The following EIF4E2 variants were observed in gnomAD, a reference collection of about 807,000 sequenced individuals.
EIF4E2 encodes eukaryotic translation initiation factor 4E type 2.
A neutral mutation model predicts 34.2 loss-of-function variants in EIF4E2; 13 were observed. That is an observed-to-expected ratio of 0.38 (90% CI 0.25 to 0.60). The LOEUF is 0.60. Among genes scored for constraint, EIF4E2 ranks in the 20% least tolerant of loss-of-function variants. The pLI is 0.62. For synonymous variants in EIF4E2, 100 were observed against 106.6 expected, an observed-to-expected ratio of 0.94 and a Z score of 0.38; for missense variants, 222 against 315.1, an observed-to-expected ratio of 0.70 and a Z score of 2.24.
intron 3 of EIF4E2, chr2:232,558,740 A>G (rs1047534445): frequency 6.6e-6 from 1 of 152,088 alleles, no homozygotes; most frequent in Non-Finnish European, 1.5e-5. Context: ...AAAAATTTTG[A>G]AAGTTTTGTA....
In EIF4E2 at chr2:232,563,788, C is replaced by T. The variant is rs4973543; in HGVS notation, c.271-459C>T. 2.0e-3 allele frequency among the ~76,000 whole-genome samples: 302 copies of T among 152,252 alleles called. 1 individual carries two copies. The highest frequency in any genetic ancestry group is 4.5e-3 in the Admixed American group (69 of 15,286). On this transcript the variant is annotated intron_variant, in intron 3 of 6. Transcript: ENST00000258416. ...TTCATTCAGCAAATGCTATATTTGC[C>T]AGTTAAACAATCTTTCATCGGTAAG...
chr2:232,558,862 G>T (rs199520304), intron 3 of EIF4E2: 1 of 74,342 alleles, frequency 1.3e-5, no homozygotes. Flanking sequence ...TGTGGGTACT[G>T]GCAGTCAGAG....
In EIF4E2 at chr2:232,568,567, C is replaced by T. The variant is rs1406052656; in HGVS notation, c.666-378C>T. 1.9e-5 allele frequency: 19 copies of T among 985,324 alleles called. No individual in the cohort carries two copies. In the Admixed American group the frequency reaches 1.1e-3, roughly 57 times the overall value. 61.0% of individuals were successfully genotyped at this position (985,324 alleles called of 1,614,324 possible). On this transcript the variant is annotated intron_variant, in intron 6 of 6. Coordinates refer to ENST00000258416, the MANE Select transcript of EIF4E2 (RefSeq NM_004846.4). Reference sequence around the variant, plus strand: ...TCTAGGATTCTCGTTTTCAAGGTTTCTGAATATCCCCTACTCCCACTTACC... The same window carrying T: ...TCTAGGATTCTCGTTTTCAAGGTTTTTGAATATCCCCTACTCCCACTTACC...
chr2:232,553,615 C>T (rs1318106285), intron 1 of EIF4E2, among the ~76,000 whole-genome samples: 3 of 152,184 alleles, frequency 2.0e-5, no homozygotes, highest in African/African-American at 7.2e-5. Context: ...ACTGATTTTT[C>T]AGTCTGAGTT....
chr2:232,550,790 C>A (rs758448361), intron 1 of EIF4E2, 46 bp downstream of exon 1: 7 of 1,512,944 alleles, frequency 4.6e-6, no homozygotes, highest in East Asian at 2.6e-5. Flanking sequence ...CCGAACAGTT[C>A]CCCCGCGCCC....
rs921171982 is a variant in EIF4E2, at chr2:232,564,362, A to T, written c.375+11A>T. The T allele has an allele frequency of 5.8e-6, 9 of 1,544,556 alleles. No homozygotes were observed. The highest frequency in any genetic ancestry group is 2.7e-5 in the African/African-American group (2 of 73,598). On this transcript the variant is annotated intron_variant, in intron 4 of 6. Transcript: ENST00000258416. ...AAACCCATGTGGGAGGTAAGGACTAATGGCTTCTGACTGCTTTTTTGAGCA... is the reference window on the plus strand; with the variant it reads ...AAACCCATGTGGGAGGTAAGGACTATTGGCTTCTGACTGCTTTTTTGAGCA...
At chr2:232,572,724 T>A (rs969364537), downstream of EIF4E2, among the ~76,000 whole-genome samples, 1 of 152,156 alleles carries the variant, frequency 6.6e-6, no homozygotes, top group Non-Finnish European at 1.5e-5. Context: ...AAGAGACTAA[T>A]GAAGAAACTG....
intron 6 of EIF4E2, 169 bp downstream of exon 6, chr2:232,567,383 G>A: frequency 5.6e-6 from 8 of 1,427,844 alleles, no homozygotes; most frequent in Non-Finnish European, 7.3e-6. Context: ...TTGTCAGCGA[G>A]GCTCCCTGCC....
chr2:232,551,849 G>T (rs1039450344), intron 1 of EIF4E2, among the ~76,000 whole-genome samples: 1 of 152,160 alleles, frequency 6.6e-6, no homozygotes, highest in African/African-American at 2.4e-5. Context: ...CTCCAGGCAG[G>T]TAGGTCCTCA....
At chr2:232,557,685 AGT>A in intron 2 of EIF4E2, 197 bp from the exon 3 acceptor site, 2 of 625,234 alleles carry the variant, frequency 3.2e-6, no homozygotes, top group Non-Finnish European at 5.6e-6. Context: ...ACACAGGTAA[AGT>A]GTTTCAGGAA....
At chr2:232,556,671 TG>T (rs1181555639) in intron 2 of EIF4E2, 141 bp downstream of exon 2, 1 of 643,914 alleles carries the variant, frequency 1.6e-6, no homozygotes, top group African/African-American at 1.8e-5. Flanking sequence ...AGAAAAACAT[TG>T]TGCAATCATT....
chr2:232,551,113 T>G, intron 1 of EIF4E2: 1 of 586,484 alleles, frequency 1.7e-6, no homozygotes, highest in Non-Finnish European at 3.3e-6. Flanking sequence ...TGCCTCTGAA[T>G]CCAGCTTTCC....
intron 3 of EIF4E2, among the ~76,000 whole-genome samples, chr2:232,563,952 C>T (rs1178380410): frequency 1.3e-5 from 2 of 152,186 alleles, no homozygotes; most frequent in African/African-American, 4.8e-5. Flanking sequence ...TGGGAGAGTG[C>T]GTATTAACAT....
intron 6 of EIF4E2, among the ~76,000 whole-genome samples, chr2:232,576,178 T>TA (rs779713888): frequency 1.3e-5 from 2 of 150,402 alleles, no homozygotes; most frequent in Non-Finnish European, 2.9e-5. Context: ...TACTCCAGCC[T>TA]GGCAACAGAG....
At chr2:232,569,819 G>C (rs1002551558), downstream of EIF4E2, 2 of 152,288 alleles carry the variant, frequency 1.3e-5, no homozygotes, top group Admixed American at 6.5e-5. Flanking sequence ...TCCTGGGCCC[G>C]GTGTTACTGC....
downstream of EIF4E2, among the ~76,000 whole-genome samples, chr2:232,572,352 T>C (rs906197624): frequency 3.9e-5 from 6 of 152,114 alleles, no homozygotes; most frequent in Admixed American, 2.6e-4. Flanking sequence ...TGAAGAAATT[T>C]CTTTTTTTGT....
intron 6 of EIF4E2, among the ~76,000 whole-genome samples, chr2:232,575,980 C>T (rs1040209785): frequency 5.3e-5 from 8 of 151,912 alleles, no homozygotes; most frequent in Non-Finnish European, 1.0e-4. Flanking sequence ...CCAAGGCGGG[C>T]AGATCACGAG....
chr2:232,551,862 A>T (rs1486160907), intron 1 of EIF4E2, among the ~76,000 whole-genome samples: 1 of 152,070 alleles, frequency 6.6e-6, no homozygotes, highest in Non-Finnish European at 1.5e-5. Context: ...GGTCCTCAGG[A>T]ATGTTTTCTG....
chr2:232,567,522 G>A lies in EIF4E2; in HGVS notation c.665+308G>A, dbSNP rs1036573913. On this transcript the variant is annotated intron_variant, in intron 6 of 6. Coordinates refer to ENST00000258416, the MANE Select transcript of EIF4E2 (RefSeq NM_004846.4). Reference sequence around the variant, plus strand: ...TGCTAACCACTATCTTAAAATGAAAGACAAGTGCTTTTCTTTTTCTTGCTG... The same window carrying A: ...TGCTAACCACTATCTTAAAATGAAAAACAAGTGCTTTTCTTTTTCTTGCTG... The A allele has an allele frequency of 6.4e-6, 8 of 1,240,808 alleles. No individual in the cohort carries two copies. The African/African-American group carries it at 1.2e-4, about 19-fold the overall frequency. The allele number at this position is 1,240,808 out of a possible 1,614,324, so 76.9% of individuals were successfully genotyped here.
Sources: gnomAD v4.1 joint callset for allele counts (sites outside exome capture counted in the v4.1 genomes callset) on GRCh38, gnomAD v4.1.1 for gene constraint, MANE v1.5 for transcripts, NCBI Gene and HGNC (gene_info 2026-07-23, HGNC 2026-07-21) for gene names.